MAP2K2: variants seen among roughly 807,000 people sequenced by gnomAD.
The protein encoded by MAP2K2 is dual specificity mitogen-activated protein kinase kinase 2.
In MAP2K2, 24 loss-of-function variants were observed where a neutral mutation model predicts 43.7. That is an observed-to-expected ratio of 0.55 (90% CI 0.40 to 0.77). The LOEUF (loss-of-function observed/expected upper bound fraction) is 0.77. Among genes scored for constraint, MAP2K2 ranks in the 30% least tolerant of loss-of-function variants. The pLI is 0.00. For synonymous variants in MAP2K2, 244 were observed against 239.7 expected (o/e 1.02, Z -0.17); for missense variants, 470 against 566.8 (o/e 0.83, Z 1.73).
intron 10 of MAP2K2, among the ~76,000 whole-genome samples, chr19:4,093,966 C>G (rs998326387): frequency 3.4e-4 from 51 of 152,050 alleles, no homozygotes; most frequent in African/African-American, 1.2e-3. Flanking sequence ...GCTGGGGAGG[C>G]GAGTTTTGGT....
intron 2 of MAP2K2, among the ~76,000 whole-genome samples, chr19:4,114,883 T>C (rs1392292914): frequency 2.0e-5 from 3 of 152,136 alleles, no homozygotes; most frequent in East Asian, 1.9e-4. Context: ...TGAGCCGAGA[T>C]TGTGCCACTG....
At chr19:4,093,038 A>G (rs1201834344) in intron 10 of MAP2K2, among the ~76,000 whole-genome samples, 42 of 151,790 alleles carry the variant, frequency 2.8e-4, no homozygotes. Context: ...GGGAAACCCC[A>G]TCTCTACTAA....
At chr19:4,102,708 C>G in intron 3 of MAP2K2, 1 of 1,204,688 alleles carries the variant, frequency 8.3e-7, no homozygotes, top group Non-Finnish European at 1.1e-6. Flanking sequence ...GAATCAGTTG[C>G]GTGACTCGGC....
intron 1 of MAP2K2, among the ~76,000 whole-genome samples, chr19:4,119,085 G>C (rs779614758): frequency 1.3e-5 from 2 of 152,080 alleles, no homozygotes; most frequent in Non-Finnish European, 2.9e-5. Context: ...CCCAAGCTGG[G>C]GTGCAGCGGC....
intron 10 of MAP2K2, among the ~76,000 whole-genome samples, chr19:4,092,098 T>G (rs2040860003): frequency 6.6e-6 from 1 of 152,018 alleles, no homozygotes; most frequent in African/African-American, 2.4e-5. Flanking sequence ...AGTGGGTGAG[T>G]AGAGGCCTTT....
chr19:4,105,147 A>C (rs2041068067), intron 3 of MAP2K2, among the ~76,000 whole-genome samples: 1 of 140,268 alleles, frequency 7.1e-6, no homozygotes, highest in African/African-American at 2.9e-5. Context: ...ATGACCATAC[A>C]CGTCTACCGT....
intron 10 of MAP2K2, among the ~76,000 whole-genome samples, chr19:4,092,946 C>T (rs1212243304): frequency 1.3e-5 from 2 of 152,130 alleles, no homozygotes; most frequent in Non-Finnish European, 2.9e-5. Context: ...CGGTGGCTCA[C>T]GCCTGTAATC....
intron 9 of MAP2K2, 198 bp from the exon 10 acceptor site, chr19:4,094,696 C>A: frequency 1.7e-6 from 1 of 603,210 alleles, no homozygotes; most frequent in Non-Finnish European, 3.0e-6. Context: ...CACTTTGGTG[C>A]CAGGGGCAGG....
In MAP2K2 at chr19:4,104,364, G is replaced by C. The variant is rs183524883; in HGVS notation, c.451-1911C>G. Among the ~76,000 whole-genome samples the C allele has an allele frequency of 3.1e-3, 472 of 150,008 alleles. 3 individuals are homozygous for C. The highest frequency in any genetic ancestry group is 0.011 in the Middle Eastern group (3 of 282). The stretch of plus-strand genomic sequence containing the variant: ...AAAGAATGCTTGAGCTGAGGAGTTT[G>C]AGACCATCCCGAGCCACACAGTGAG... On this transcript the variant is annotated intron_variant, in intron 3 of 10. Transcript: ENST00000262948.
At chr19:4,114,679 T>C (rs1480846640) in intron 2 of MAP2K2, among the ~76,000 whole-genome samples, 3 of 152,166 alleles carry the variant, frequency 2.0e-5, no homozygotes, top group African/African-American at 7.2e-5. Context: ...CCAGGCGCGG[T>C]GGCTCACGCC....
intron 3 of MAP2K2, among the ~76,000 whole-genome samples, chr19:4,108,538 G>A (rs773453895): frequency 7.3e-5 from 11 of 151,278 alleles, no homozygotes; most frequent in Non-Finnish European, 1.3e-4. Flanking sequence ...GTGAGCCACC[G>A]CCCCTGGCTA....
intron 8 of MAP2K2, among the ~76,000 whole-genome samples, chr19:4,096,713 G>A (rs948802600): frequency 3.9e-5 from 6 of 152,148 alleles, no homozygotes; most frequent in Non-Finnish European, 5.9e-5. Context: ...ATGAGTCCAC[G>A]CCCACGGGCG....
At chr19:4,090,756 G>C in intron 10 of MAP2K2, 48 bp from the exon 11 acceptor site, 1 of 1,280,100 alleles carries the variant, frequency 7.8e-7, no homozygotes, top group Non-Finnish European at 1.1e-6. Context: ...AGTCACAGTA[G>C]GACGGGGAGG....
chr19:4,123,569 TCCC>T (rs1209727177), intron 1 of MAP2K2, among the ~76,000 whole-genome samples: 35 of 28,030 alleles, frequency 1.2e-3, no homozygotes, highest in Non-Finnish European at 2.3e-3. Context: ...TGCCCCGTCC[TCCC>T]CCGAGGGCCC....
Position 4,105,567 on chromosome 19 carries a change from C to T in MAP2K2, c.451-3114G>A, listed in dbSNP as rs1348562487. Among the ~76,000 whole-genome samples the T allele has an allele frequency of 5.3e-5, 8 of 152,168 alleles. No individual in the cohort carries two copies. In the East Asian group the frequency reaches 1.4e-3, roughly 26 times the overall value. ...GATTACAGGCTTGAGCCACCGCACC[C>T]GGCAAACACATTTTTCTTATAAAAA... On this transcript the variant is annotated intron_variant, in intron 3 of 10. Transcript: ENST00000262948.
intron 1 of MAP2K2, among the ~76,000 whole-genome samples, chr19:4,119,337 T>C (rs1276292881): frequency 6.6e-6 from 1 of 152,140 alleles, no homozygotes; most frequent in Non-Finnish European, 1.5e-5. Context: ...TTCTCCTGCC[T>C]CAGCCTCCGA....
At position 4,101,425 on chromosome 19, in the gene MAP2K2, G is replaced by T; in HGVS notation, c.529-145C>A. The T allele has an allele frequency of 1.1e-6, 1 of 892,468 alleles. No individual in the cohort carries two copies. The highest frequency in any genetic ancestry group is 1.8e-6 in the Non-Finnish European group (1 of 550,468). The allele number at this position is 892,468 out of a possible 1,614,324, so 55.3% of individuals were successfully genotyped here. Reference sequence around the variant, plus strand: ...TTCAGGCTGTGAGGAGCTCGCTGGGGTGGAGCAAGCGAGGCCAGAGACGAG... The same window carrying T: ...TTCAGGCTGTGAGGAGCTCGCTGGGTTGGAGCAAGCGAGGCCAGAGACGAG... On this transcript the variant is annotated intron_variant, in intron 4 of 10. Coordinates refer to ENST00000262948, the MANE Select transcript of MAP2K2 (RefSeq NM_030662.4). This position sits in a 1 kb window ranked among gnomAD's most constrained non-coding sequence, Gnocchi z 6.3.
chr19:4,102,512 T>C lies in MAP2K2; in HGVS notation c.451-59A>G, dbSNP rs552883759. ...GCGCAGGTGGCCGGGAAGCCACGGA[T>C]GCGTCCCCCCACTCCCGGCGAGGGG... On this transcript the variant is annotated intron_variant, in intron 3 of 10. Transcript: ENST00000262948. 4.3e-4 allele frequency: 556 copies of C among 1,305,378 alleles called. 7 individuals are homozygous for C. The South Asian group carries it at 6.5e-3, about 15-fold the overall frequency. 80.9% of individuals were successfully genotyped at this position (1,305,378 alleles called of 1,614,324 possible). A position where few individuals can be genotyped will look rare whatever the true frequency, so the allele number is the denominator to read the frequency against.
At chr19:4,112,662 CT>C in intron 2 of MAP2K2, among the ~76,000 whole-genome samples, 1 of 152,026 alleles carries the variant, frequency 6.6e-6, no homozygotes. Context: ...CTGCCTGCCC[CT>C]GCCTGCCCGC....
Sources: gnomAD v4.1 joint callset for allele counts (sites outside exome capture counted in the v4.1 genomes callset) on GRCh38, gnomAD v4.1.1 for gene constraint, Gnocchi (gnomAD v3.1) non-coding constraint, MANE v1.5 for transcripts, NCBI Gene and HGNC (gene_info 2026-07-23, HGNC 2026-07-21) for gene names.